The following CTNNA3 variants were observed in gnomAD, a reference collection of about 807,000 sequenced individuals.
CTNNA3 encodes the protein catenin alpha 3.
CTNNA3 carries 76 observed loss-of-function variants against 95.7 expected under a neutral mutation model. That is an observed-to-expected ratio of 0.79 (90% confidence interval 0.66 to 0.96). CTNNA3 has a LOEUF of 0.96. Among genes scored for constraint, CTNNA3 ranks in the 40% least tolerant of loss-of-function variants. The pLI is 0.00. For synonymous variants in CTNNA3, 431 were observed against 374.4 expected (o/e 1.15, Z -1.74); for missense variants, 1,191 against 1,089.8 (o/e 1.09, Z -1.31).
intron 5 of CTNNA3, among the ~76,000 whole-genome samples, chr10:67,365,197 T>C (rs527488665): frequency 1.7e-5 from 2 of 115,522 alleles, no homozygotes; most frequent in African/African-American, 5.1e-5. Flanking sequence ...ACAGGATCCC[T>C]TCCTTATATC....
At chr10:66,336,701 T>G (rs913454143) in intron 12 of CTNNA3, among the ~76,000 whole-genome samples, 7 of 152,082 alleles carry the variant, frequency 4.6e-5, no homozygotes, top group Admixed American at 3.9e-4. Context: ...CAATAATTTT[T>G]TTCAAAATTA....
chr10:66,153,525 A>T lies in CTNNA3; in HGVS notation c.1885-50276T>A, dbSNP rs558416839. On this transcript the variant is annotated intron_variant, in intron 13 of 17. Coordinates refer to ENST00000433211, the MANE Select transcript of CTNNA3 (RefSeq NM_013266.4). Reference sequence around the variant, plus strand: ...TTAGCCTTAGCTGCAGGATGTTTTGAGTCTGCTGCAGACATGCTCAATTCA... The same window carrying T: ...TTAGCCTTAGCTGCAGGATGTTTTGTGTCTGCTGCAGACATGCTCAATTCA... Among the ~76,000 whole-genome samples, 7 of 152,070 alleles carry T rather than the reference A, an allele frequency of 4.6e-5. No homozygotes were observed. In the South Asian group the frequency reaches 1.5e-3, roughly 32 times the overall value.
chr10:66,257,229 G>T (rs1007798055), intron 13 of CTNNA3, among the ~76,000 whole-genome samples: 1 of 152,128 alleles, frequency 6.6e-6, no homozygotes, highest in Admixed American at 6.5e-5. Flanking sequence ...TCTGATTGTG[G>T]CTAAACAAGA....
intron 5 of CTNNA3, among the ~76,000 whole-genome samples, chr10:67,273,504 T>G (rs1839066014): frequency 6.6e-6 from 1 of 152,134 alleles, no homozygotes; most frequent in Non-Finnish European, 1.5e-5. Context: ...TAAAACTCCT[T>G]CAGGAAAGAG....
chr10:66,151,617 T>C (rs986990304), intron 13 of CTNNA3, among the ~76,000 whole-genome samples: 2 of 151,954 alleles, frequency 1.3e-5, no homozygotes, highest in Non-Finnish European at 2.9e-5. Context: ...AAGATAGAAG[T>C]ATCTCCTGTA....
intron 6 of CTNNA3, among the ~76,000 whole-genome samples, chr10:67,203,316 G>GC (rs1226963523): frequency 6.6e-6 from 1 of 152,114 alleles, no homozygotes; most frequent in Non-Finnish European, 1.5e-5. Context: ...ACGCTCTCTT[G>GC]CCTGGCACCA....
intron 13 of CTNNA3, among the ~76,000 whole-genome samples, chr10:66,107,358 C>A (rs913161116): frequency 1.3e-5 from 2 of 152,102 alleles, no homozygotes; most frequent in African/African-American, 4.8e-5. Context: ...CAAATACTAC[C>A]TAATTTTTAG....
At chr10:66,571,395 TCAC>T (rs1465724830) in intron 10 of CTNNA3, among the ~76,000 whole-genome samples, 1 of 152,178 alleles carries the variant, frequency 6.6e-6, no homozygotes, top group Non-Finnish European at 1.5e-5. Context: ...ATAAATTGTT[TCAC>T]TTGGTCTACA....
At chr10:65,976,798 C>T (rs2078214853) in intron 16 of CTNNA3, among the ~76,000 whole-genome samples, 2 of 151,870 alleles carry the variant, frequency 1.3e-5, no homozygotes, top group African/African-American at 4.8e-5. Flanking sequence ...AGGTCTTTTC[C>T]CATTTTTTAA....
chr10:66,886,179 C>A (rs1398245931), intron 7 of CTNNA3, among the ~76,000 whole-genome samples: 2 of 152,010 alleles, frequency 1.3e-5, no homozygotes, highest in Non-Finnish European at 2.9e-5. Flanking sequence ...AATAGGAGTG[C>A]CATAAATTTT....
intron 17 of CTNNA3, among the ~76,000 whole-genome samples, chr10:65,955,294 C>T (rs554643229): frequency 5.3e-5 from 8 of 152,200 alleles, no homozygotes; most frequent in East Asian, 1.9e-4. Flanking sequence ...TGGGTTGAGA[C>T]GATGGGGTTT....
In CTNNA3 at chr10:66,280,624, G is replaced by A. The variant is rs990944705; in HGVS notation, c.1733-3C>T. ...TTGTGTTACAAATTCAGGAATTACT[G>A]TTAAAATAAAGAATAAGGAGAAGAT... On this transcript the variant is annotated splice_region_variant and splice_polypyrimidine_tract_variant and intron_variant, in intron 12 of 17. Coordinates refer to ENST00000433211, the MANE Select transcript of CTNNA3 (RefSeq NM_013266.4). 4 of 1,599,922 alleles carry A rather than the reference G, an allele frequency of 2.5e-6. No individual in the cohort carries two copies. The Admixed American group carries it at 6.8e-5, about 27-fold the overall frequency.
At chr10:66,872,424 T>C (rs1190826434) in intron 7 of CTNNA3, among the ~76,000 whole-genome samples, 1 of 152,098 alleles carries the variant, frequency 6.6e-6, no homozygotes, top group Non-Finnish European at 1.5e-5. Flanking sequence ...ATACTAGTAT[T>C]TTGGGAGGCC....
At chr10:67,564,009 A>C (rs1397993338) in intron 3 of CTNNA3, among the ~76,000 whole-genome samples, 1 of 148,928 alleles carries the variant, frequency 6.7e-6, no homozygotes, top group Non-Finnish European at 1.5e-5. Context: ...GCTGGAGAGG[A>C]TGTGGAGAAA....
intron 5 of CTNNA3, among the ~76,000 whole-genome samples, chr10:67,437,285 C>T (rs1017893279): frequency 5.3e-5 from 8 of 152,040 alleles, no homozygotes; most frequent in Non-Finnish European, 1.2e-4. Flanking sequence ...GACCCAAAGG[C>T]ATAAGAATGA....
intron 10 of CTNNA3, among the ~76,000 whole-genome samples, chr10:66,586,572 C>T (rs1038143069): frequency 1.2e-4 from 19 of 152,212 alleles, no homozygotes; most frequent in South Asian, 6.2e-4. Flanking sequence ...AAGTCTGAAC[C>T]TGTATGGCAC....
chr10:66,409,655 A>G (rs1342242866), intron 11 of CTNNA3, among the ~76,000 whole-genome samples: 1 of 152,210 alleles, frequency 6.6e-6, no homozygotes, highest in Non-Finnish European at 1.5e-5. Context: ...ATAACTATAC[A>G]ATAGGTCACA....
chr10:67,440,244 A>G (rs1385530461), intron 5 of CTNNA3, among the ~76,000 whole-genome samples: 1 of 152,134 alleles, frequency 6.6e-6, no homozygotes, highest in East Asian at 1.9e-4. Flanking sequence ...ATGGAAAGAG[A>G]CAGCTCCGCC....
chr10:66,113,799 A>G (rs923453211), intron 13 of CTNNA3, among the ~76,000 whole-genome samples: 1 of 152,204 alleles, frequency 6.6e-6, no homozygotes, highest in Non-Finnish European at 1.5e-5. Context: ...TTAACTTCTC[A>G]GGAAATTAGA....
Sources: allele counts gnomAD v4.1 joint callset (sites outside exome capture counted in the v4.1 genomes callset), GRCh38; gene constraint gnomAD v4.1.1; transcripts MANE v1.5; gene names NCBI Gene and HGNC (gene_info 2026-07-23, HGNC 2026-07-21).